The following VPS8 variants were observed in gnomAD, a reference collection of about 807,000 sequenced individuals.
VPS8 encodes vacuolar protein sorting-associated protein 8 homolog.
In VPS8, 129 loss-of-function variants were observed where a neutral mutation model predicts 216.4. That is an observed-to-expected ratio of 0.60 (90% CI 0.52 to 0.69). VPS8 has a LOEUF of 0.69. Ranked by LOEUF, VPS8 falls within the 30% of genes least tolerant of loss-of-function variation. The probability of loss-of-function intolerance (pLI) is 0.00; values close to 1 mark genes in which losing one functional copy is unlikely to be tolerated. For synonymous variants in VPS8, 571 were observed against 565.4 expected, an observed-to-expected ratio of 1.01 and a Z score of -0.14; for missense variants, 1,531 against 1,683.5, an observed-to-expected ratio of 0.91 and a Z score of 1.59.
chr3:185,038,635 C>T (rs1462890945), intron 46 of VPS8, among the ~76,000 whole-genome samples: 2 of 152,200 alleles, frequency 1.3e-5, no homozygotes, highest in East Asian at 3.8e-4. Flanking sequence ...AAGTCAGTTC[C>T]TCTGGGAAAA....
chr3:184,910,125 C>T (rs1440310806), intron 25 of VPS8, among the ~76,000 whole-genome samples: 1 of 137,310 alleles, frequency 7.3e-6, no homozygotes, highest in Non-Finnish European at 1.5e-5. Context: ...GCAAGATTCT[C>T]CTATTTTTTT....
intron 9 of VPS8, 119 bp from the exon 10 acceptor site, chr3:184,849,817 T>C: frequency 1.3e-6 from 1 of 752,652 alleles, no homozygotes; most frequent in Admixed American, 2.7e-5. Flanking sequence ...TTTAACTTTA[T>C]AGTTCTTTGC....
chr3:184,976,147 A>G (rs897682209), intron 40 of VPS8, among the ~76,000 whole-genome samples: 1 of 152,168 alleles, frequency 6.6e-6, no homozygotes, highest in East Asian at 1.9e-4. Context: ...CATGCCAATA[A>G]TGAAATTCCC....
intron 23 of VPS8, among the ~76,000 whole-genome samples, chr3:184,897,825 A>C (rs1176227333): frequency 6.6e-6 from 1 of 152,098 alleles, no homozygotes; most frequent in Non-Finnish European, 1.5e-5. Context: ...CTGTATACTC[A>C]AACTCATATC....
At chr3:185,041,682 C>T (rs760854821) in intron 46 of VPS8, among the ~76,000 whole-genome samples, 7 of 152,126 alleles carry the variant, frequency 4.6e-5, no homozygotes, top group African/African-American at 7.2e-5. Context: ...CTCAGTAGGC[C>T]GTTCTTAATT....
At chr3:185,004,372 C>T (rs1281217440) in intron 45 of VPS8, among the ~76,000 whole-genome samples, 2 of 152,190 alleles carry the variant, frequency 1.3e-5, no homozygotes, top group Admixed American at 6.5e-5. Flanking sequence ...CGCAGGCACT[C>T]GGCAGGCTGA....
At chr3:184,945,074 A>G (rs1379407449) in intron 36 of VPS8, among the ~76,000 whole-genome samples, 6 of 152,018 alleles carry the variant, frequency 3.9e-5, no homozygotes, top group Admixed American at 3.9e-4. Flanking sequence ...TTTGGTTAGT[A>G]TTTTGCTAGC....
intron 36 of VPS8, among the ~76,000 whole-genome samples, chr3:184,951,459 A>G (rs1744687542): frequency 6.6e-6 from 1 of 151,814 alleles, no homozygotes; most frequent in African/African-American, 2.4e-5. Flanking sequence ...CACTCCAGCC[A>G]GGACGACAGA....
intron 39 of VPS8, among the ~76,000 whole-genome samples, chr3:184,969,579 G>A (rs564517771): frequency 6.6e-6 from 1 of 151,332 alleles, no homozygotes; most frequent in South Asian, 2.1e-4. Flanking sequence ...ATAGGCATGT[G>A]CCACCACTCC....
chr3:184,941,021 A>G (rs1311384961), intron 36 of VPS8, among the ~76,000 whole-genome samples: 1 of 152,224 alleles, frequency 6.6e-6, no homozygotes, highest in East Asian at 1.9e-4. Flanking sequence ...GCACACCTAG[A>G]GTTAAGCATG....
intron 36 of VPS8, among the ~76,000 whole-genome samples, chr3:184,953,958 G>A (rs1311934928): frequency 2.0e-5 from 3 of 152,104 alleles, no homozygotes; most frequent in African/African-American, 7.2e-5. Context: ...CACAAAACTA[G>A]CCCCTACTTC....
intron 1 of VPS8, among the ~76,000 whole-genome samples, chr3:184,817,997 G>A (rs1052637502): frequency 5.3e-5 from 8 of 152,076 alleles, no homozygotes; most frequent in African/African-American, 1.5e-4. Flanking sequence ...CAGTTTGAAC[G>A]GTGCCCAGAA....
chr3:185,021,458 C>T (rs1340460269), intron 45 of VPS8, among the ~76,000 whole-genome samples: 1 of 152,176 alleles, frequency 6.6e-6, no homozygotes, highest in East Asian at 1.9e-4. Context: ...TAAAAGTCTG[C>T]AGATTCTTTC....
chr3:184,914,345 C>G (rs1358547520), intron 26 of VPS8, among the ~76,000 whole-genome samples: 2 of 152,112 alleles, frequency 1.3e-5, no homozygotes, highest in Non-Finnish European at 2.9e-5. Context: ...GTTTAAAAAG[C>G]TTTAAAATTT....
intron 45 of VPS8, among the ~76,000 whole-genome samples, chr3:185,012,951 TTAGCTAAAAGCATTTCCTACGGGAAA>T (rs899692073): frequency 6.6e-6 from 1 of 151,626 alleles, no homozygotes; most frequent in Non-Finnish European, 1.5e-5. Flanking sequence ...AGATTATAGA[TTAGCTAAAAGCATTTCCTACGGGAAA>T]TAACTAAAAG....
chr3:185,031,002 C>T (rs542180887), intron 46 of VPS8, among the ~76,000 whole-genome samples: 2 of 147,604 alleles, frequency 1.4e-5, no homozygotes, highest in African/African-American at 5.1e-5. Context: ...AGTCTTGCTG[C>T]TCATGTCAGC....
chr3:184,980,143 T>C (rs1749955686), intron 40 of VPS8, among the ~76,000 whole-genome samples: 1 of 152,160 alleles, frequency 6.6e-6, no homozygotes, highest in Non-Finnish European at 1.5e-5. Context: ...GTTTGTGTGG[T>C]TTCTGCAGAA....
chr3:184,993,363 GT>G (rs1273145198), intron 42 of VPS8, among the ~76,000 whole-genome samples: 4 of 150,720 alleles, frequency 2.7e-5, no homozygotes, highest in African/African-American at 4.9e-5. Flanking sequence ...TGTTTTTTGG[GT>G]TTTTTTTTTG....
chr3:185,024,332 C>T lies in VPS8; in HGVS notation c.4003-4C>T. On this transcript the variant is annotated splice_region_variant and splice_polypyrimidine_tract_variant and intron_variant, in intron 45 of 47. Coordinates refer to ENST00000625842, the MANE Select transcript of VPS8 (RefSeq NM_001009921.3). ...GTATTAAAATGTTTGCCTTTTTTTT[C>T]CAGGTAAAAATGTCTCCATCGTATC... The T allele has an allele frequency of 6.3e-7, 1 of 1,582,146 alleles. No individual in the cohort carries two copies.
Sources: gnomAD v4.1 joint callset for allele counts (sites outside exome capture counted in the v4.1 genomes callset) on GRCh38, gnomAD v4.1.1 for gene constraint, MANE v1.5 for transcripts, NCBI Gene and HGNC (gene_info 2026-07-23, HGNC 2026-07-21) for gene names.